RCOR2: variants seen among roughly 807,000 people sequenced by gnomAD.
RCOR2 encodes REST corepressor 2.
In RCOR2, 19 loss-of-function variants were observed where a neutral mutation model predicts 58.9. The observed-to-expected ratio is 0.32, with a 90% CI of 0.23 to 0.47. The LOEUF (loss-of-function observed/expected upper bound fraction) is 0.47. Among genes scored for constraint, RCOR2 ranks in the 20% least tolerant of loss-of-function variants. RCOR2 has a pLI of 1.00. For synonymous variants in RCOR2, 286 were observed against 278.7 expected (o/e 1.03, Z -0.26); for missense variants, 590 against 707.9 (o/e 0.83, Z 1.89).
chr11:63,911,673 G>A lies in RCOR2; in HGVS notation c.*192C>T. On this transcript the variant is annotated 3_prime_UTR_variant, in exon 12 of 12. Transcript: ENST00000301459. Reference sequence around the variant, plus strand: ...TCAAAGGCCCCTGAGCCCGGCCATGGCCCCAGGAGACAGGCCCAGCTGCCA... The same window carrying A: ...TCAAAGGCCCCTGAGCCCGGCCATGACCCCAGGAGACAGGCCCAGCTGCCA... 5.4e-6 allele frequency: 5 copies of A among 918,116 alleles called. No individual in the cohort carries two copies. The highest frequency in any genetic ancestry group is 7.4e-6 in the Non-Finnish European group (5 of 671,632). 56.9% of individuals were successfully genotyped at this position (918,116 alleles called of 1,614,324 possible).
At chr11:63,925,800 CAAA>C in the RCOR2 span, among the ~76,000 whole-genome samples, 1 of 134,346 alleles carries the variant, frequency 7.4e-6, no homozygotes. Context: ...GACCCTGTCT[CAAA>C]AAAAAAAAAA....
intron 4 of RCOR2, 34 bp from the exon 5 acceptor site, chr11:63,914,850 T>TGCCCCGGCACCGTTCC: frequency 7.5e-7 from 1 of 1,331,944 alleles, no homozygotes; most frequent in Non-Finnish European, 1.1e-6. Flanking sequence ...GAGCCTGAGC[T>TGCCCCGGCACCGTTCC]GCCCCGGCAC....
At chr11:63,916,076 G>C (rs918902111) in intron 1 of RCOR2, among the ~76,000 whole-genome samples, 15 of 152,248 alleles carry the variant, frequency 9.9e-5, no homozygotes, top group Admixed American at 9.2e-4. Flanking sequence ...ATGCAAGGGA[G>C]GGATGCCTCG....
upstream of RCOR2, among the ~76,000 whole-genome samples, chr11:63,919,746 G>A (rs1026834017): frequency 6.6e-6 from 1 of 152,226 alleles, no homozygotes; most frequent in Non-Finnish European, 1.5e-5. Flanking sequence ...GAGCCGGAGG[G>A]CTCCCGGGAA....
the RCOR2 span, among the ~76,000 whole-genome samples, chr11:63,923,684 C>T: frequency 6.6e-6 from 1 of 152,130 alleles, no homozygotes; most frequent in Non-Finnish European, 1.5e-5. Flanking sequence ...CCATCCACTC[C>T]CTCAATTCCC....
chr11:63,925,522 G>A, the RCOR2 span, among the ~76,000 whole-genome samples: 2 of 152,026 alleles, frequency 1.3e-5, no homozygotes, highest in Admixed American at 1.3e-4. Flanking sequence ...CGAGGAGATG[G>A]AAAAAGCCAC....
chr11:63,915,422 C>G lies in RCOR2; in HGVS notation c.184+133G>C, dbSNP rs540188938. ...AGGAAGGCAGGGCAGGAAAGCAAACCATGCTGGGGGGCCACCCACCCCTGC... is the reference window on the plus strand; with the variant it reads ...AGGAAGGCAGGGCAGGAAAGCAAACGATGCTGGGGGGCCACCCACCCCTGC... On this transcript the variant is annotated intron_variant, in intron 2 of 11. Transcript: ENST00000301459. The G allele has an allele frequency of 2.7e-4, 316 of 1,163,208 alleles. 1 individual carries two copies. In the South Asian group the frequency reaches 4.2e-3, roughly 15 times the overall value. 72.1% of individuals were successfully genotyped at this position (1,163,208 alleles called of 1,614,324 possible).
chr11:63,924,522 G>C, the RCOR2 span, among the ~76,000 whole-genome samples: 1 of 152,090 alleles, frequency 6.6e-6, no homozygotes, highest in Admixed American at 6.6e-5. Flanking sequence ...ATCCAAAGTA[G>C]AAACCTGGGA....
upstream of RCOR2, among the ~76,000 whole-genome samples, chr11:63,920,658 G>A (rs1354379567): frequency 6.6e-6 from 1 of 152,188 alleles, no homozygotes; most frequent in Non-Finnish European, 1.5e-5. Flanking sequence ...TCGACTGGGG[G>A]CCTGGCGGGA....
the RCOR2 span, among the ~76,000 whole-genome samples, chr11:63,925,684 G>A: frequency 6.6e-6 from 1 of 151,736 alleles, no homozygotes; most frequent in African/African-American, 2.4e-5. Context: ...CAGGTGTGGT[G>A]GCACGTGCCT....
chr11:63,923,027 G>C, the RCOR2 span, among the ~76,000 whole-genome samples: 1 of 152,012 alleles, frequency 6.6e-6, no homozygotes, highest in African/African-American at 2.4e-5. Flanking sequence ...TCTTAGCATA[G>C]GACCTTGCCT....
chr11:63,912,363 A>C lies in RCOR2; in HGVS notation c.1199T>G (p.Met400Arg), dbSNP rs1318364165. 1.9e-6 allele frequency: 3 copies of C among 1,613,646 alleles called. No homozygotes were observed. Among genetic ancestry groups the C allele is most frequent in the Non-Finnish European group, 2.5e-6 (3 of 1,179,940 alleles). The change falls in exon 11 of 12, where the codon ATG (methionine) becomes AGG (arginine). Residue 400 changes from methionine to arginine, a missense_variant. By Grantham distance (91) the Met-to-Arg change is moderately conservative. Transcript: ENST00000301459. ...TGGAGCCCCTCTCCTAGCCTCCTCC[A>C]TGGGGACTGGGGCTCCAGGGGCCCC... is the stretch of plus-strand genomic sequence containing the variant. ...QDGAPGAPVP[M>R]EEARRGAPLP...
At chr11:63,922,566 G>A in the RCOR2 span, among the ~76,000 whole-genome samples, 5 of 152,194 alleles carry the variant, frequency 3.3e-5, no homozygotes, top group East Asian at 3.9e-4. Flanking sequence ...TTGGCCAGGC[G>A]GGTCTGGAAC....
chr11:63,916,269 T>A (rs2134248754), intron 1 of RCOR2, 61 bp downstream of exon 1: 419 of 1,215,586 alleles, frequency 3.4e-4, no homozygotes, highest in Non-Finnish European at 4.6e-4. Context: ...CTCTTCCCCC[T>A]CCCGCCCCAC....
the RCOR2 span, among the ~76,000 whole-genome samples, chr11:63,922,455 C>A: frequency 1.3e-5 from 2 of 152,132 alleles, no homozygotes; most frequent in African/African-American, 4.8e-5. Context: ...CAGGTTTAAG[C>A]GATTCTTTTG....
the RCOR2 span, among the ~76,000 whole-genome samples, chr11:63,922,913 G>C: frequency 6.6e-6 from 1 of 152,044 alleles, no homozygotes; most frequent in Non-Finnish European, 1.5e-5. Flanking sequence ...AGGGCTGCTG[G>C]GTGCTCTGCT....
intron 8 of RCOR2, among the ~76,000 whole-genome samples, 169 bp downstream of exon 8, chr11:63,913,785 A>G (rs1941814558): frequency 6.6e-6 from 1 of 152,158 alleles, no homozygotes; most frequent in Non-Finnish European, 1.5e-5. Context: ...CCCAGCCTGC[A>G]GACCAGTTTT....
chr11:63,918,112 C>A (rs1345076496), upstream of RCOR2, among the ~76,000 whole-genome samples: 1 of 151,656 alleles, frequency 6.6e-6, no homozygotes, highest in Non-Finnish European at 1.5e-5. Flanking sequence ...AGCTGAAGCC[C>A]CCGCCCGCCG....
chr11:63,927,532 G>T, the RCOR2 span, among the ~76,000 whole-genome samples: 1 of 152,080 alleles, frequency 6.6e-6, no homozygotes, highest in Admixed American at 6.6e-5. Context: ...GCCTCCCAAA[G>T]TTCTGGGATT....
Sources: gnomAD v4.1 joint callset for allele counts (sites outside exome capture counted in the v4.1 genomes callset) on GRCh38, gnomAD v4.1.1 for gene constraint, MANE v1.5 for transcripts, NCBI Gene and HGNC (gene_info 2026-07-23, HGNC 2026-07-21) for gene names.